The following DLGAP1 variants were observed in gnomAD, a reference collection of about 807,000 sequenced individuals.
DLGAP1 encodes the protein DLG associated protein 1.
DLGAP1 carries 11 observed loss-of-function variants against 90.8 expected under a neutral mutation model. The ratio of observed to expected loss-of-function variants is 0.12; its 90% CI spans 0.08 to 0.20. The LOEUF (loss-of-function observed/expected upper bound fraction) is 0.20. Ranked by LOEUF, DLGAP1 falls within the 10% of genes least tolerant of loss-of-function variation. The pLI, the probability that DLGAP1 is intolerant of heterozygous loss-of-function variation, is 1.00. For missense variants in DLGAP1, 1,050 were observed against 1,333.8 expected (o/e 0.79, Z 3.31); for synonymous variants, 558 against 540.7 (o/e 1.03, Z -0.44).
At chr18:4,310,527 T>C (rs1172614050) in intron 1 of DLGAP1, among the ~76,000 whole-genome samples, 1 of 152,206 alleles carries the variant, frequency 6.6e-6, no homozygotes, top group East Asian at 1.9e-4. Flanking sequence ...CCCGTTAGGT[T>C]AGGTACTCCT....
chr18:3,929,235 T>G (rs1194140308), intron 3 of DLGAP1, among the ~76,000 whole-genome samples: 1 of 152,124 alleles, frequency 6.6e-6, no homozygotes, highest in Non-Finnish European at 1.5e-5. Flanking sequence ...AACTTAAGAG[T>G]AAAGTAAGGT....
At chr18:4,059,726 A>G (rs1203660153) in intron 2 of DLGAP1, among the ~76,000 whole-genome samples, 1 of 151,810 alleles carries the variant, frequency 6.6e-6, no homozygotes, top group Non-Finnish European at 1.5e-5. Flanking sequence ...ATAAATAAAT[A>G]AATAAATAAA....
At chr18:3,741,388 A>G (rs1453312921) in intron 6 of DLGAP1, among the ~76,000 whole-genome samples, 1 of 150,112 alleles carries the variant, frequency 6.7e-6, no homozygotes, top group Non-Finnish European at 1.5e-5. Context: ...CACCATCATC[A>G]CAATCACCAC....
At chr18:3,702,537 G>A (rs954326394) in intron 7 of DLGAP1, among the ~76,000 whole-genome samples, 8 of 152,252 alleles carry the variant, frequency 5.3e-5, no homozygotes, top group Admixed American at 2.6e-4. Flanking sequence ...GCATGCAGGC[G>A]CCCTAGGATC....
Position 4,180,392 on chromosome 18 carries a change from G to A in DLGAP1, c.-266-29105C>T, listed in dbSNP as rs139251564. On this transcript the variant is annotated intron_variant, in intron 1 of 12. Transcript: ENST00000315677. ...GGGAGAGGTGGCCAGTCACCCCAAAGACATTACACTTTCCCAAAATTCCAC... is the reference window on the plus strand; with the variant it reads ...GGGAGAGGTGGCCAGTCACCCCAAAAACATTACACTTTCCCAAAATTCCAC... Among the ~76,000 whole-genome samples the A allele has an allele frequency of 1.5e-4, 23 of 152,204 alleles. No homozygotes were observed. In the East Asian group the frequency reaches 4.5e-3, roughly 29 times the overall value.
intron 1 of DLGAP1, among the ~76,000 whole-genome samples, chr18:4,162,986 G>A (rs1370645172): frequency 6.6e-6 from 1 of 152,066 alleles, no homozygotes; most frequent in African/African-American, 2.4e-5. Flanking sequence ...CTTCCATGAT[G>A]TTAAATGCTT....
chr18:3,804,689 G>A (rs73372558), intron 5 of DLGAP1, among the ~76,000 whole-genome samples: 3 of 152,318 alleles, frequency 2.0e-5, no homozygotes, highest in South Asian at 2.1e-4. Flanking sequence ...CAACCACTGC[G>A]CATTAAAGTT....
chr18:3,581,176 C>A (rs1599354642), intron 8 of DLGAP1, among the ~76,000 whole-genome samples: 1 of 152,176 alleles, frequency 6.6e-6, no homozygotes, highest in Admixed American at 6.6e-5. Context: ...ACCAGCTCTC[C>A]TTCCTGCCTT....
At chr18:4,044,209 A>G (rs1440202606) in intron 2 of DLGAP1, among the ~76,000 whole-genome samples, 3 of 152,156 alleles carry the variant, frequency 2.0e-5, no homozygotes, top group Non-Finnish European at 4.4e-5. Context: ...GGAAAGTTCA[A>G]TCACTTTATC....
intron 1 of DLGAP1, among the ~76,000 whole-genome samples, chr18:4,175,574 CATCTT>C (rs1429077407): frequency 1.3e-5 from 2 of 151,870 alleles, no homozygotes; most frequent in African/African-American, 4.8e-5. Flanking sequence ...GTCTTTAATC[CATCTT>C]GAGTTAATTT....
At chr18:4,098,087 T>C (rs1483268537) in intron 2 of DLGAP1, among the ~76,000 whole-genome samples, 1 of 152,168 alleles carries the variant, frequency 6.6e-6, no homozygotes, top group Non-Finnish European at 1.5e-5. Flanking sequence ...CTAATCTCTT[T>C]TGTATTTGTA....
chr18:4,270,030 C>T (rs949778128), intron 1 of DLGAP1, among the ~76,000 whole-genome samples: 3 of 152,164 alleles, frequency 2.0e-5, no homozygotes, highest in African/African-American at 7.2e-5. Flanking sequence ...TCACATGTTA[C>T]AGTAGCATAG....
chr18:3,540,294 C>G (rs970244471), intron 9 of DLGAP1, among the ~76,000 whole-genome samples: 1 of 151,450 alleles, frequency 6.6e-6, no homozygotes, highest in Non-Finnish European at 1.5e-5. Flanking sequence ...TGGCAAAATC[C>G]CGTCTCCACT....
intron 7 of DLGAP1, among the ~76,000 whole-genome samples, chr18:3,610,989 A>G (rs2145895830): frequency 6.6e-6 from 1 of 151,434 alleles, no homozygotes; most frequent in South Asian, 2.1e-4. Context: ...TTTGTATGCC[A>G]GCCATGTGTG....
chr18:3,706,752 G>C (rs1371067957), intron 7 of DLGAP1, among the ~76,000 whole-genome samples: 1 of 152,116 alleles, frequency 6.6e-6, no homozygotes, highest in Non-Finnish European at 1.5e-5. Flanking sequence ...ACAGACCACA[G>C]AGAGGCGACT....
intron 1 of DLGAP1, among the ~76,000 whole-genome samples, chr18:4,166,860 T>G (rs896917776): frequency 2.0e-5 from 3 of 152,326 alleles, no homozygotes; most frequent in African/African-American, 7.2e-5. Context: ...AGTAGAATAG[T>G]CATTAGCATG....
intron 7 of DLGAP1, among the ~76,000 whole-genome samples, chr18:3,725,553 G>A (rs7235163): frequency 0.4 from 60,684 of 151,958 alleles, 13,678 homozygotes; most frequent in Middle Eastern, 0.57. Context: ...TTCCTACCCT[G>A]ATATTCCTAC....
intron 1 of DLGAP1, chr18:4,430,900 T>C (rs1260605663): frequency 1.3e-5 from 2 of 152,902 alleles, no homozygotes. Flanking sequence ...ACAGAGATCA[T>C]TGCTCAAGCA....
chr18:3,772,344 CTCTCTTTCTTTCTTTCTTTCTTTCTT>C (rs1250302639), intron 5 of DLGAP1, among the ~76,000 whole-genome samples: 985 of 15,224 alleles, frequency 0.065, 74 homozygotes, highest in African/African-American at 0.18. Flanking sequence ...CTCTCTCTCT[CTCTCTTTCTTTCTTTCTTTCTTTCTT>C]TCTTTCTTTC....
Sources: allele counts gnomAD v4.1 joint callset (sites outside exome capture counted in the v4.1 genomes callset), GRCh38; gene constraint gnomAD v4.1.1; transcripts MANE v1.5; gene names NCBI Gene and HGNC (gene_info 2026-07-23, HGNC 2026-07-21).